Variants in CNIH3 observed in about 807,000 individuals in gnomAD.
The protein encoded by CNIH3 is cornichon family AMPA receptor auxiliary protein 3, also known as protein cornichon homolog 3.
CNIH3 carries 14 observed loss-of-function variants against 24.1 expected under a neutral mutation model. That is an observed-to-expected ratio of 0.58 (90% CI 0.38 to 0.91). The LOEUF is 0.91. CNIH3 is among the 40% of genes least tolerant of loss of function. The pLI is 0.00. For missense variants in CNIH3, 178 were observed against 196.8 expected (o/e 0.90, Z 0.57); for synonymous variants, 68 against 73.8 (o/e 0.92, Z 0.40).
At chr1:224,628,831 C>A (rs886343292) in intron 1 of CNIH3, among the ~76,000 whole-genome samples, 5 of 152,002 alleles carry the variant, frequency 3.3e-5, no homozygotes, top group Non-Finnish European at 7.4e-5. Flanking sequence ...CATTTAACAT[C>A]AACACAGACC....
At position 224,684,717 on chromosome 1, in the gene CNIH3, C is replaced by A; in HGVS notation, c.151-79C>A. On this transcript the variant is annotated intron_variant, in intron 2 of 5. Coordinates refer to ENST00000272133, the MANE Select transcript of CNIH3 (RefSeq NM_152495.2). This position sits in a 1 kb window ranked among gnomAD's most constrained non-coding sequence, Gnocchi z 4.2. Reference sequence around the variant, plus strand: ...GTGGCTTCTGCCTCCACTATTGGGGCTGATTGCGGGGCCTTCTCATGCTAT... The same window carrying A: ...GTGGCTTCTGCCTCCACTATTGGGGATGATTGCGGGGCCTTCTCATGCTAT... The A allele has an allele frequency of 7.7e-7, 1 of 1,298,648 alleles. No homozygotes were observed. Among genetic ancestry groups the A allele is most frequent in the Non-Finnish European group, 1.1e-6 (1 of 893,610 alleles). The allele number at this position is 1,298,648 out of a possible 1,614,324, so 80.4% of individuals were successfully genotyped here. A position where few individuals can be genotyped will look rare whatever the true frequency, so the allele number is the denominator to read the frequency against.
chr1:224,683,154 C>T (rs768564895), intron 2 of CNIH3, among the ~76,000 whole-genome samples: 1 of 152,134 alleles, frequency 6.6e-6, no homozygotes, highest in Non-Finnish European at 1.5e-5. Flanking sequence ...GAAGTGGTGG[C>T]ATAGAAGTTA....
intron 3 of CNIH3, among the ~76,000 whole-genome samples, chr1:224,550,385 C>T (rs943238427): frequency 4.6e-5 from 7 of 151,508 alleles, no homozygotes; most frequent in Admixed American, 6.6e-5. Flanking sequence ...AATATCAGAG[C>T]GAAGATATTA....
intron 1 of CNIH3, among the ~76,000 whole-genome samples, chr1:224,486,625 C>T (rs1397664994): frequency 1.3e-5 from 2 of 152,022 alleles, no homozygotes; most frequent in Non-Finnish European, 2.9e-5. Flanking sequence ...ATCAACTATG[C>T]CAAGTGAATA....
chr1:224,512,496 A>T (rs908800713), upstream of CNIH3, among the ~76,000 whole-genome samples: 1 of 152,176 alleles, frequency 6.6e-6, no homozygotes, highest in African/African-American at 2.4e-5. Flanking sequence ...AAAAAAGAAA[A>T]AATGGAGCTA....
chr1:224,728,631 G>A (rs762848301), intron 3 of CNIH3, among the ~76,000 whole-genome samples: 19 of 152,298 alleles, frequency 1.2e-4, no homozygotes, highest in Admixed American at 7.8e-4. Context: ...TAATGTGTGC[G>A]TATGTGTTTC....
downstream of CNIH3, among the ~76,000 whole-genome samples, chr1:224,539,319 A>G (rs1679420424): frequency 6.6e-6 from 1 of 152,042 alleles, no homozygotes. Context: ...CCAAATCATC[A>G]ATTGCCAAGT....
intron 1 of CNIH3, among the ~76,000 whole-genome samples, chr1:224,653,737 T>C (rs563646502): frequency 7.9e-4 from 120 of 152,364 alleles, no homozygotes; most frequent in African/African-American, 2.8e-3. Flanking sequence ...GTATGGCCTA[T>C]ATCTGTTTTG....
At chr1:224,643,456 A>C (rs1276019399) in intron 1 of CNIH3, among the ~76,000 whole-genome samples, 2 of 152,218 alleles carry the variant, frequency 1.3e-5, no homozygotes, top group Non-Finnish European at 2.9e-5. Flanking sequence ...CCCGCAGCCC[A>C]GTCGGCTTGT....
At chr1:224,452,212 C>T (rs372665362) in intron 1 of CNIH3, among the ~76,000 whole-genome samples, 8 of 149,902 alleles carry the variant, frequency 5.3e-5, no homozygotes, top group Non-Finnish European at 7.4e-5. Flanking sequence ...TGCGGTGGCG[C>T]GATCTCGGTT....
intron 1 of CNIH3, among the ~76,000 whole-genome samples, chr1:224,452,274 C>T (rs1421401257): frequency 6.6e-6 from 1 of 151,678 alleles, no homozygotes; most frequent in East Asian, 2.0e-4. Flanking sequence ...CTCAGCCTCC[C>T]AAGTAGCTGG....
At chr1:224,622,505 C>G (rs1403767212) in intron 1 of CNIH3, among the ~76,000 whole-genome samples, 1 of 152,204 alleles carries the variant, frequency 6.6e-6, no homozygotes, top group African/African-American at 2.4e-5. Flanking sequence ...AAAAAGAAAG[C>G]TTACGTCATC....
chr1:224,614,891 G>C (rs974776297), upstream of CNIH3, among the ~76,000 whole-genome samples: 3 of 151,942 alleles, frequency 2.0e-5, no homozygotes, highest in African/African-American at 7.3e-5. Context: ...AGGTTGCAGA[G>C]ATCACGCCAC....
Position 224,703,418 on chromosome 1 carries a change from A to G in CNIH3, c.198+18575A>G, listed in dbSNP as rs1201488791. Among the ~76,000 whole-genome samples the G allele has an allele frequency of 6.6e-6, 1 of 152,200 alleles. No homozygotes were observed. The highest frequency in any genetic ancestry group is 1.5e-5 in the Non-Finnish European group (1 of 68,032). On this transcript the variant is annotated intron_variant, in intron 3 of 5. Transcript: ENST00000272133. The surrounding 1 kb of genome is among the most constrained non-coding windows in gnomAD (Gnocchi z 4.2). ...TCCTGATGCCCAGAATTCATCCCAA[A>G]CCAATTAAGTCATAATCTCTGGGGT...
chr1:224,506,272 C>CGT (rs1423081137), intron 1 of CNIH3, among the ~76,000 whole-genome samples: 15 of 33,834 alleles, frequency 4.4e-4, no homozygotes, highest in South Asian at 4.0e-3. Flanking sequence ...CACGCACACG[C>CGT]GCGCGCGCGC....
At chr1:224,465,489 G>A (rs1211877908) in intron 1 of CNIH3, among the ~76,000 whole-genome samples, 1 of 152,186 alleles carries the variant, frequency 6.6e-6, no homozygotes, top group African/African-American at 2.4e-5. Flanking sequence ...GTTTACAGGA[G>A]TCTACCTTTG....
In CNIH3 at chr1:224,506,029, A is replaced by T. The variant is rs191694306; in HGVS notation, n.204-9712A>T. Among the ~76,000 whole-genome samples the T allele has an allele frequency of 1.6e-4, 25 of 152,316 alleles. No homozygotes were observed. In the East Asian group the frequency reaches 4.1e-3, roughly 25 times the overall value. On this transcript the variant is annotated intron_variant and non_coding_transcript_variant, in intron 1 of 5. Coordinates refer to the CNIH3 transcript ENST00000471578. The stretch of plus-strand genomic sequence containing the variant: ...TACTCCCTCCCCTGCTCCCAGTTGG[A>T]AAGATTGCTCCCAAGACCCAAGCCT...
chr1:224,662,081 A>C (rs1685387233), intron 1 of CNIH3, among the ~76,000 whole-genome samples: 1 of 152,230 alleles, frequency 6.6e-6, no homozygotes, highest in African/African-American at 2.4e-5. Flanking sequence ...AGATGTTAGC[A>C]TTTTATAGGT....
chr1:224,684,036 A>G lies in CNIH3; in HGVS notation c.151-760A>G, dbSNP rs1686529018. ...CCATGAGGAATCTCATTACCATTCC[A>G]TCTACAGCAACCAAATTGCCTCAGT... On this transcript the variant is annotated intron_variant, in intron 2 of 5. Coordinates refer to ENST00000272133, the MANE Select transcript of CNIH3 (RefSeq NM_152495.2). The surrounding 1 kb of genome is among the most constrained non-coding windows in gnomAD (Gnocchi z 4.2). Among the ~76,000 whole-genome samples the G allele has an allele frequency of 6.6e-6, 1 of 152,206 alleles. No homozygotes were observed. The highest frequency in any genetic ancestry group is 2.4e-5 in the African/African-American group (1 of 41,452).
Sources: gnomAD v4.1 joint callset for allele counts (sites outside exome capture counted in the v4.1 genomes callset) on GRCh38, gnomAD v4.1.1 for gene constraint, Gnocchi (gnomAD v3.1) non-coding constraint, MANE v1.5 for transcripts, NCBI Gene and HGNC (gene_info 2026-07-23, HGNC 2026-07-21) for gene names.